Variants in LDB2 observed in about 807,000 individuals in gnomAD.
LDB2 encodes the protein LIM domain-binding protein 2.
Under a neutral mutation model 44.3 loss-of-function variants are expected in LDB2, and 12 were observed. The observed-to-expected ratio is 0.27, with a 90% CI of 0.17 to 0.44. LDB2 has a LOEUF of 0.44. Ranked by LOEUF, LDB2 falls within the 20% of genes least tolerant of loss-of-function variation. The probability of loss-of-function intolerance (pLI) is 1.00; values close to 1 mark genes in which losing one functional copy is unlikely to be tolerated. For missense variants in LDB2, 344 were observed against 473.5 expected, an observed-to-expected ratio of 0.73 and a Z score of 2.54; for synonymous variants, 164 against 174.8, an observed-to-expected ratio of 0.94 and a Z score of 0.49.
chr4:16,568,491 C>A (rs1745324792), intron 5 of LDB2, among the ~76,000 whole-genome samples: 1 of 152,162 alleles, frequency 6.6e-6, no homozygotes, highest in Non-Finnish European at 1.5e-5. Context: ...GTCATTTATT[C>A]TTTAACCTGT....
At chr4:16,687,339 G>GCT (rs964522543) in intron 2 of LDB2, among the ~76,000 whole-genome samples, 1 of 151,992 alleles carries the variant, frequency 6.6e-6, no homozygotes, top group Non-Finnish European at 1.5e-5. Flanking sequence ...TTGAGAGCTT[G>GCT]CTCTCTCTCT....
chr4:16,706,599 G>A (rs1754670677), intron 2 of LDB2, among the ~76,000 whole-genome samples: 2 of 152,200 alleles, frequency 1.3e-5, no homozygotes, highest in African/African-American at 2.4e-5. Context: ...TTATTTATGC[G>A]ATAGTAGCAA....
At chr4:16,768,907 G>A (rs1400670608) in intron 1 of LDB2, among the ~76,000 whole-genome samples, 1 of 152,136 alleles carries the variant, frequency 6.6e-6, no homozygotes, top group Admixed American at 6.6e-5. Context: ...TTAGATATTT[G>A]CTTAACATGA....
chr4:16,632,776 G>T (rs1732361447), intron 2 of LDB2, among the ~76,000 whole-genome samples: 1 of 152,052 alleles, frequency 6.6e-6, no homozygotes, highest in South Asian at 2.1e-4. Context: ...CATTCAAAAA[G>T]TCAGGAAACA....
intron 1 of LDB2, among the ~76,000 whole-genome samples, chr4:16,773,798 G>C (rs1771239095): frequency 6.6e-6 from 1 of 151,824 alleles, no homozygotes; most frequent in Admixed American, 6.6e-5. Context: ...GCAGTGGTGT[G>C]GTCATAGCTC....
chr4:16,512,087 C>G lies in LDB2; in HGVS notation c.633G>C (p.Glu211Asp). The change falls in exon 6 of 8, where the codon GAG becomes GAC. Residue 211 changes from glutamate (E) to aspartate (D), a missense_variant. This residue lies in a region of LDB2 where 226 missense variants were observed against 270.1 expected (regional missense o/e 0.84). Transcript: ENST00000304523. ...GTCTCGACATCAGTTCCTGCATTGGCTCCAATATTACACACAACTGCAAGA... is the reference window on the plus strand; with the variant it reads ...GTCTCGACATCAGTTCCTGCATTGGGTCCAATATTACACACAACTGCAAGA... ...LNYLRLCVIL[E>D]PMQELMSRHK... 6.2e-7 allele frequency: 1 copy of G among 1,612,358 alleles called. No individual in the cohort carries two copies. Among genetic ancestry groups the G allele is most frequent in the Admixed American group, 1.7e-5 (1 of 59,816 alleles).
At chr4:16,607,747 G>T (rs1401524243) in intron 2 of LDB2, among the ~76,000 whole-genome samples, 2 of 152,152 alleles carry the variant, frequency 1.3e-5, no homozygotes, top group Non-Finnish European at 1.5e-5. Context: ...GTTCCCTGAA[G>T]GCAGAGAACG....
chr4:16,774,220 CCA>C lies in LDB2; in HGVS notation c.133-14962_133-14961del, dbSNP rs1182260889. On this transcript the variant is annotated intron_variant, in intron 1 of 7. Coordinates refer to ENST00000304523, the MANE Select transcript of LDB2 (RefSeq NM_001290.5). ...CAATGCCCTCATTCCACGCATTCTC[CCA>C]CACTTTCTCAACCATCCCTTGTTCA... Among the ~76,000 whole-genome samples, 3 of 151,712 alleles carry C rather than the reference CCA, an allele frequency of 2.0e-5. No homozygotes were observed. In the East Asian group the frequency reaches 5.8e-4, roughly 29 times the overall value.
rs765560461 is a variant in LDB2 at position 16,581,417 on chromosome 4, G to A, written c.615+4505C>T. ...GTGAGAGGATGCTTGTCTTGACCATGCTGTTACTGGAAAAAAAAAATCTTT... is the reference window on the plus strand; with the variant it reads ...GTGAGAGGATGCTTGTCTTGACCATACTGTTACTGGAAAAAAAAAATCTTT... On this transcript the variant is annotated intron_variant, in intron 5 of 7. Coordinates refer to ENST00000304523, the MANE Select transcript of LDB2 (RefSeq NM_001290.5). The A allele has an allele frequency of 1.3e-4, 131 of 985,166 alleles. No individual in the cohort carries two copies. In the Middle Eastern group the frequency reaches 6.3e-3, roughly 47 times the overall value. 61.0% of individuals were successfully genotyped at this position (985,166 alleles called of 1,614,324 possible). A position where few individuals can be genotyped will look rare whatever the true frequency, so the allele number is the denominator to read the frequency against.
chr4:16,707,457 A>G (rs1000440686), intron 2 of LDB2, among the ~76,000 whole-genome samples: 1 of 152,206 alleles, frequency 6.6e-6, no homozygotes, highest in African/African-American at 2.4e-5. Flanking sequence ...CAGCTTTTTA[A>G]TCATCACTAG....
intron 2 of LDB2, among the ~76,000 whole-genome samples, chr4:16,609,411 G>A (rs1009666750): frequency 5.9e-5 from 9 of 151,968 alleles, no homozygotes; most frequent in African/African-American, 2.2e-4. Flanking sequence ...AGCTCCTTGG[G>A]GGAGGGGCAG....
chr4:16,739,668 ATACATATGTGTG>A lies in LDB2; in HGVS notation c.235+19478_235+19489del, dbSNP rs1247179996. On this transcript the variant is annotated intron_variant, in intron 2 of 7. Transcript: ENST00000304523. ...TACATATGTGTGTATATATGTATAT[ATACATATGTGTG>A]TATATATGTATATATACATATATGT... Among the ~76,000 whole-genome samples the A allele has an allele frequency of 7.5e-5, 6 of 80,234 alleles. 1 individual carries two copies. The highest frequency in any genetic ancestry group is 2.1e-4 in the African/African-American group (4 of 18,906). 52.6% of individuals were successfully genotyped at this position (80,234 alleles called of 152,430 possible). A position where few individuals can be genotyped will look rare whatever the true frequency, so the allele number is the denominator to read the frequency against.
rs141294802 is a variant in LDB2, at chr4:16,595,580, T to C, written c.408+123A>G. On this transcript the variant is annotated intron_variant, in intron 3 of 7. Coordinates refer to ENST00000304523, the MANE Select transcript of LDB2 (RefSeq NM_001290.5). ...GTCACAAACAAGAAAGATTCTCTCATGGTGTTGAAAGTGTCTGGGAGATGA... is the reference window on the plus strand; with the variant it reads ...GTCACAAACAAGAAAGATTCTCTCACGGTGTTGAAAGTGTCTGGGAGATGA... 3.0e-3 allele frequency: 2,325 copies of C among 771,116 alleles called. 9 individuals are homozygous for C. Among genetic ancestry groups the C allele is most frequent in the Middle Eastern group, 0.016 (40 of 2,540 alleles). The allele number at this position is 771,116 out of a possible 1,614,324, so 47.8% of individuals were successfully genotyped here. A position where few individuals can be genotyped will look rare whatever the true frequency, so the allele number is the denominator to read the frequency against.
chr4:16,766,464 A>ACGTG (rs1491123310), intron 1 of LDB2, among the ~76,000 whole-genome samples: 3 of 14,772 alleles, frequency 2.0e-4, no homozygotes, highest in Admixed American at 4.5e-4. Flanking sequence ...ATACACACAC[A>ACGTG]TATATGTGTG....
intron 2 of LDB2, among the ~76,000 whole-genome samples, chr4:16,692,482 G>A (rs2152603594): frequency 6.6e-6 from 1 of 152,220 alleles, no homozygotes; most frequent in African/African-American, 2.4e-5. Flanking sequence ...CGATGTACAG[G>A]TACTGGTGCC....
At chr4:16,670,846 A>G (rs1326785470) in intron 2 of LDB2, among the ~76,000 whole-genome samples, 1 of 152,196 alleles carries the variant, frequency 6.6e-6, no homozygotes, top group Non-Finnish European at 1.5e-5. Flanking sequence ...TGAATTAGCT[A>G]TTGTTATTTA....
At chr4:16,818,121 G>T (rs1781282502) in intron 1 of LDB2, among the ~76,000 whole-genome samples, 1 of 152,090 alleles carries the variant, frequency 6.6e-6, no homozygotes, top group African/African-American at 2.4e-5. Flanking sequence ...CACATGCCTG[G>T]CCCCTCAAAG....
At position 16,605,885 on chromosome 4, in the gene LDB2, C is replaced by T. The variant is rs1723799913; in HGVS notation, c.236-10010G>A. Reference sequence around the variant, plus strand: ...AAGTTACCACCAGGAGGGGGAACTGCCACATTTGGGGAGAACTCATTTGGA... The same window carrying T: ...AAGTTACCACCAGGAGGGGGAACTGTCACATTTGGGGAGAACTCATTTGGA... On this transcript the variant is annotated intron_variant, in intron 2 of 7. Transcript: ENST00000304523. Among the ~76,000 whole-genome samples the T allele has an allele frequency of 2.0e-5, 3 of 152,256 alleles. No homozygotes were observed. The South Asian group carries it at 6.2e-4, about 32-fold the overall frequency.
chr4:16,774,510 G>A (rs1043348728), intron 1 of LDB2, among the ~76,000 whole-genome samples: 4 of 152,092 alleles, frequency 2.6e-5, no homozygotes, highest in Admixed American at 2.0e-4. Flanking sequence ...CTGTATTCTT[G>A]TTGCTTACCT....
Sources: gnomAD v4.1 joint callset for allele counts (sites outside exome capture counted in the v4.1 genomes callset) on GRCh38, gnomAD v4.1.1 for gene constraint, gnomAD v4.1.1 regional missense constraint, MANE v1.5 for transcripts, NCBI Gene and HGNC (gene_info 2026-07-23, HGNC 2026-07-21) for gene names.